Variants in NRXN1 observed in about 807,000 individuals in gnomAD.
NRXN1 encodes neurexin-1.
A neutral mutation model predicts 150.9 loss-of-function variants in NRXN1; 39 were observed. The ratio of observed to expected loss-of-function variants is 0.26; its 90% CI spans 0.20 to 0.34. The LOEUF is 0.34. NRXN1 is among the 10% of genes least tolerant of loss of function. NRXN1 has a pLI of 1.00. For missense variants in NRXN1, 1,815 were observed against 1,949.9 expected, an observed-to-expected ratio of 0.93 and a Z score of 1.30; for synonymous variants, 924 against 757.0, an observed-to-expected ratio of 1.22 and a Z score of -3.62.
chr2:50,213,541 G>T (rs1162499578), intron 18 of NRXN1, among the ~76,000 whole-genome samples: 1 of 151,818 alleles, frequency 6.6e-6, no homozygotes, highest in Non-Finnish European at 1.5e-5. Context: ...AGTTTCGTTA[G>T]TCCAGGCAGC....
chr2:50,909,443 C>A (rs756437610), intron 5 of NRXN1, among the ~76,000 whole-genome samples: 4 of 152,032 alleles, frequency 2.6e-5, no homozygotes, highest in Non-Finnish European at 1.5e-5. Flanking sequence ...AAGTCCCTCT[C>A]CATTCTAAAG....
At chr2:50,413,627 T>C (rs1476395776) in intron 17 of NRXN1, among the ~76,000 whole-genome samples, 1 of 152,104 alleles carries the variant, frequency 6.6e-6, no homozygotes, top group Non-Finnish European at 1.5e-5. Context: ...GTTTGGAGGT[T>C]CCTCAAAAAC....
intron 5 of NRXN1, among the ~76,000 whole-genome samples, chr2:50,775,824 C>A (rs1354520583): frequency 4.6e-5 from 7 of 152,170 alleles, no homozygotes; most frequent in Admixed American, 4.6e-4. Context: ...GTTTAAAAGT[C>A]AACTTTTTTA....
chr2:50,640,000 A>G (rs538749377), intron 5 of NRXN1, among the ~76,000 whole-genome samples: 1 of 152,186 alleles, frequency 6.6e-6, no homozygotes, highest in Non-Finnish European at 1.5e-5. Flanking sequence ...ACACATCACA[A>G]TCTTGACGAG....
intron 17 of NRXN1, among the ~76,000 whole-genome samples, chr2:50,413,864 T>A (rs1281711021): frequency 6.6e-6 from 1 of 152,068 alleles, no homozygotes; most frequent in Non-Finnish European, 1.5e-5. Context: ...AAAAATGAGA[T>A]TCAGTCATTT....
chr2:50,354,630 T>A (rs2078668942), intron 17 of NRXN1, among the ~76,000 whole-genome samples: 2 of 148,374 alleles, frequency 1.3e-5, no homozygotes, highest in Non-Finnish European at 3.0e-5. Context: ...TGAAATGGGT[T>A]TTTTTTCCCC....
intron 21 of NRXN1, chr2:49,973,889 T>G: frequency 1.6e-6 from 1 of 636,608 alleles, no homozygotes; most frequent in Non-Finnish European, 2.9e-6. Context: ...TATTATTGTT[T>G]TTAGGCTTCT....
intron 5 of NRXN1, among the ~76,000 whole-genome samples, chr2:50,659,152 G>A (rs1261064248): frequency 6.6e-6 from 1 of 151,984 alleles, no homozygotes; most frequent in Non-Finnish European, 1.5e-5. Flanking sequence ...CAAGTAGGGA[G>A]GATGCTGAAT....
intron 18 of NRXN1, among the ~76,000 whole-genome samples, chr2:50,235,053 G>C (rs7556989): frequency 0.02 from 3,025 of 151,962 alleles, 95 homozygotes; most frequent in African/African-American, 0.07. Context: ...CTTGTGATTT[G>C]AGAGTGATCA....
intron 17 of NRXN1, among the ~76,000 whole-genome samples, chr2:50,427,943 G>A (rs768903117): frequency 6.6e-6 from 1 of 152,108 alleles, no homozygotes; most frequent in Admixed American, 6.5e-5. Flanking sequence ...TGGATACAAA[G>A]ACAAGTAGCC....
intron 5 of NRXN1, among the ~76,000 whole-genome samples, chr2:50,775,593 T>C (rs1703516680): frequency 6.6e-6 from 1 of 152,124 alleles, no homozygotes; most frequent in Non-Finnish European, 1.5e-5. Context: ...TGTAACTACT[T>C]ATTGGGCCTT....
At chr2:50,571,143 G>T (rs1466329430) in intron 8 of NRXN1, among the ~76,000 whole-genome samples, 2 of 152,156 alleles carry the variant, frequency 1.3e-5, no homozygotes, top group African/African-American at 4.8e-5. Flanking sequence ...GTTTCTTGGA[G>T]AGTCTAGTTG....
rs545468913 is a variant in NRXN1, at chr2:50,091,861, C to G, written c.3547-367G>C. Among the ~76,000 whole-genome samples, 8 of 152,264 alleles carry G rather than the reference C, an allele frequency of 5.3e-5. No homozygotes were observed. The South Asian group carries it at 6.2e-4, about 12-fold the overall frequency. Reference sequence around the variant, plus strand: ...CACAAGAAAAACGGGGCTCCAAATTCTTACTTTTAATAACTGGTGAAATCA... The same window carrying G: ...CACAAGAAAAACGGGGCTCCAAATTGTTACTTTTAATAACTGGTGAAATCA... On this transcript the variant is annotated intron_variant, in intron 18 of 22. Transcript: ENST00000401669.
rs115966074 is a variant in NRXN1, at chr2:50,123,415, G to C, written c.3547-31921C>G. Among the ~76,000 whole-genome samples, 311 of 152,256 alleles carry C rather than the reference G, an allele frequency of 2.0e-3. 1 individual carries two copies. The highest frequency in any genetic ancestry group is 7.3e-3 in the African/African-American group (303 of 41,560). ...TGAAAGCAAACATGGTATTTGGTTGGAGCAAATGGGTCATGTGGTTGGAGG... is the reference window on the plus strand; with the variant it reads ...TGAAAGCAAACATGGTATTTGGTTGCAGCAAATGGGTCATGTGGTTGGAGG... On this transcript the variant is annotated intron_variant, in intron 18 of 22. Transcript: ENST00000401669.
At chr2:50,207,447 GTAACT>G (rs1297174274) in intron 18 of NRXN1, 2 of 151,686 alleles carry the variant, frequency 1.3e-5, no homozygotes, top group Non-Finnish European at 2.9e-5. Context: ...CCTTATTATA[GTAACT>G]TAATATATAC....
chr2:50,059,768 C>T (rs370810668), intron 19 of NRXN1, among the ~76,000 whole-genome samples: 45 of 152,310 alleles, frequency 3.0e-4, no homozygotes, highest in African/African-American at 1.1e-3. Flanking sequence ...CAGGTCGTTG[C>T]TTCAGAGGGT....
chr2:49,928,715 A>G (rs538226610), intron 22 of NRXN1, among the ~76,000 whole-genome samples: 4 of 152,316 alleles, frequency 2.6e-5, no homozygotes, highest in African/African-American at 9.6e-5. Context: ...AATCATTCAC[A>G]AGAAGCCATG....
chr2:50,178,721 A>G (rs1365055448), intron 18 of NRXN1, among the ~76,000 whole-genome samples: 3 of 152,160 alleles, frequency 2.0e-5, no homozygotes, highest in African/African-American at 7.2e-5. Flanking sequence ...CTCATGTTAC[A>G]TATCACCACA....
intron 5 of NRXN1, among the ~76,000 whole-genome samples, chr2:50,753,661 T>C (rs1700856884): frequency 6.6e-6 from 1 of 151,912 alleles, no homozygotes; most frequent in Non-Finnish European, 1.5e-5. Flanking sequence ...AAGAAAAGAT[T>C]ATCTGAAAAT....
Sources: allele counts gnomAD v4.1 joint callset (sites outside exome capture counted in the v4.1 genomes callset), GRCh38; gene constraint gnomAD v4.1.1; transcripts MANE v1.5; gene names NCBI Gene and HGNC (gene_info 2026-07-23, HGNC 2026-07-21).